Variants in SYT1 observed in about 807,000 individuals in gnomAD.
The protein encoded by SYT1 is synaptotagmin-1.
A neutral mutation model predicts 44.8 loss-of-function variants in SYT1; 8 were observed. The observed-to-expected ratio is 0.18, with a 90% CI of 0.10 to 0.32. SYT1 has a LOEUF of 0.32. SYT1 is among the 10% of genes least tolerant of loss of function. SYT1 has a pLI of 1.00. For synonymous variants in SYT1, 154 were observed against 188.8 expected (o/e 0.82, Z 1.51); for missense variants, 286 against 509.3 (o/e 0.56, Z 4.22).
intron 3 of SYT1, among the ~76,000 whole-genome samples, chr12:79,168,301 G>A (rs945535696): frequency 1.3e-5 from 2 of 151,936 alleles, no homozygotes; most frequent in African/African-American, 4.8e-5. Context: ...TAACTCAATG[G>A]GTTGTTGTAA....
intron 10 of SYT1, among the ~76,000 whole-genome samples, chr12:79,448,559 C>T (rs1870859448): frequency 6.6e-6 from 1 of 152,134 alleles, no homozygotes; most frequent in Non-Finnish European, 1.5e-5. Flanking sequence ...CAAGTTGACA[C>T]AGACTCCATG....
In SYT1 at chr12:79,144,407, C is replaced by T. The variant is rs1003344897; in HGVS notation, c.-17-73096C>T. Among the ~76,000 whole-genome samples, 3 of 152,208 alleles carry T rather than the reference C, an allele frequency of 2.0e-5. 1 individual carries two copies. The highest frequency in any genetic ancestry group is 4.4e-5 in the Non-Finnish European group (3 of 68,036). The stretch of plus-strand genomic sequence containing the variant: ...CAGTAAGACGCTTCCTTTTTTACCC[C>T]ACCGCCCAGAAGGGCATGTCTCAGC... On this transcript the variant is annotated intron_variant, in intron 3 of 10. Transcript: ENST00000261205.
chr12:78,932,998 A>G (rs1240237952), intron 1 of SYT1, among the ~76,000 whole-genome samples: 2 of 152,174 alleles, frequency 1.3e-5, no homozygotes, highest in East Asian at 1.9e-4. Context: ...GTCCAAAAGT[A>G]TAAAGGTTAT....
At chr12:79,137,675 C>A (rs1193098589) in intron 3 of SYT1, among the ~76,000 whole-genome samples, 1 of 152,096 alleles carries the variant, frequency 6.6e-6, no homozygotes, top group South Asian at 2.1e-4. Flanking sequence ...ACCTTGAGTT[C>A]ATTTAATATT....
At chr12:79,091,365 A>C (rs1039465460) in intron 3 of SYT1, among the ~76,000 whole-genome samples, 1 of 152,116 alleles carries the variant, frequency 6.6e-6, no homozygotes, top group Non-Finnish European at 1.5e-5. Context: ...GTGTAAGCAA[A>C]CAAGTTTTTA....
At chr12:79,127,937 G>A (rs1188544917) in intron 3 of SYT1, among the ~76,000 whole-genome samples, 1 of 152,204 alleles carries the variant, frequency 6.6e-6, no homozygotes, top group Admixed American at 6.5e-5. Flanking sequence ...TAGATAGATA[G>A]ATGGGTAGAT....
chr12:79,433,065 T>C (rs1869892855), intron 9 of SYT1, among the ~76,000 whole-genome samples: 1 of 152,196 alleles, frequency 6.6e-6, no homozygotes, highest in Non-Finnish European at 1.5e-5. Flanking sequence ...TTTTTTTCAC[T>C]TTTTAGAAGC....
chr12:79,409,974 T>C (rs1278594523), intron 9 of SYT1, among the ~76,000 whole-genome samples: 1 of 152,136 alleles, frequency 6.6e-6, no homozygotes, highest in Non-Finnish European at 1.5e-5. Context: ...TCTTACACTT[T>C]TGGGGGTGGG....
At chr12:79,447,194 C>T (rs977683582) in intron 10 of SYT1, among the ~76,000 whole-genome samples, 12 of 151,876 alleles carry the variant, frequency 7.9e-5, no homozygotes, top group African/African-American at 2.9e-4. Context: ...TTCTCTGCTC[C>T]TTGAGTCACT....
At chr12:79,013,793 T>C (rs1477171280) in intron 2 of SYT1, among the ~76,000 whole-genome samples, 2 of 152,156 alleles carry the variant, frequency 1.3e-5, no homozygotes, top group African/African-American at 4.8e-5. Context: ...GTTTTCTTCA[T>C]GTAAGACCAA....
chr12:79,371,770 T>C (rs1447920422), intron 9 of SYT1, among the ~76,000 whole-genome samples: 2 of 152,256 alleles, frequency 1.3e-5, no homozygotes, highest in East Asian at 3.9e-4. Flanking sequence ...GCCTCAGAGG[T>C]TTGAGATAAA....
chr12:78,885,035 A>T (rs1874655836), intron 1 of SYT1, among the ~76,000 whole-genome samples: 1 of 151,816 alleles, frequency 6.6e-6, no homozygotes, highest in Admixed American at 6.6e-5. Flanking sequence ...AAATGATACT[A>T]TTTGCTTTTA....
chr12:78,888,566 G>A (rs1291165271), intron 1 of SYT1, among the ~76,000 whole-genome samples: 1 of 151,904 alleles, frequency 6.6e-6, no homozygotes, highest in Admixed American at 6.6e-5. Context: ...ACTTAGAAAT[G>A]TCCAATAAAT....
chr12:78,955,800 T>TTGTGTGTGTGTG lies in SYT1; in HGVS notation c.-216-21972_-216-21961dup, dbSNP rs60111282. Among the ~76,000 whole-genome samples the TTGTGTGTGTGTG allele has an allele frequency of 8.1e-3, 1,117 of 138,668 alleles. 17 individuals are homozygous for TTGTGTGTGTGTG. Among genetic ancestry groups the TTGTGTGTGTGTG allele is most frequent in the East Asian group, 0.029 (137 of 4,660 alleles). The allele number at this position is 138,668 out of a possible 152,430, so 91.0% of individuals were successfully genotyped here. A position where few individuals can be genotyped will look rare whatever the true frequency, so the allele number is the denominator to read the frequency against. ...TGCGTTTTATTTTCTGCCAAGATAT[T>TTGTGTGTGTGTG]TGTGTGTGTGTGTGTGTGTGTGTGT... On this transcript the variant is annotated intron_variant, in intron 1 of 10. Coordinates refer to ENST00000261205, the MANE Select transcript of SYT1 (RefSeq NM_005639.3).
At chr12:79,052,935 G>T (rs970944293) in intron 3 of SYT1, among the ~76,000 whole-genome samples, 1 of 152,142 alleles carries the variant, frequency 6.6e-6, no homozygotes, top group African/African-American at 2.4e-5. Context: ...CAACCCTTAT[G>T]GAAGTCAGTG....
chr12:79,401,073 G>A (rs1356668612), intron 9 of SYT1, among the ~76,000 whole-genome samples: 1 of 152,162 alleles, frequency 6.6e-6, no homozygotes, highest in African/African-American at 2.4e-5. Context: ...ACATAATGCT[G>A]CCTGGCTAAT....
At chr12:78,998,476 T>C (rs561509608) in intron 2 of SYT1, among the ~76,000 whole-genome samples, 3 of 152,158 alleles carry the variant, frequency 2.0e-5, no homozygotes, top group Non-Finnish European at 4.4e-5. Flanking sequence ...TACTGTGCCA[T>C]GACATAACAC....
chr12:79,075,703 C>T (rs971435308), intron 3 of SYT1, among the ~76,000 whole-genome samples: 4 of 152,066 alleles, frequency 2.6e-5, no homozygotes, highest in African/African-American at 9.7e-5. Context: ...CTATTCATCA[C>T]ATTTAGCAGA....
At chr12:79,296,325 G>A (rs1177342193) in intron 7 of SYT1, 89 bp downstream of exon 7, 1 of 1,340,358 alleles carries the variant, frequency 7.5e-7, no homozygotes, top group East Asian at 2.4e-5. Flanking sequence ...ACATGCACAT[G>A]AATGCTTGTT....
Sources: allele counts gnomAD v4.1 joint callset (sites outside exome capture counted in the v4.1 genomes callset), GRCh38; gene constraint gnomAD v4.1.1; transcripts MANE v1.5; gene names NCBI Gene and HGNC (gene_info 2026-07-23, HGNC 2026-07-21).